CYYR1: variants seen among roughly 807,000 people sequenced by gnomAD.
CYYR1 encodes the protein cysteine and tyrosine rich 1.
In CYYR1, 14 loss-of-function variants were observed where a neutral mutation model predicts 15.2. That is an observed-to-expected ratio of 0.92 (90% CI 0.61 to 1.44). CYYR1 has a LOEUF of 1.44. Among genes scored for constraint, CYYR1 ranks in the 40% most tolerant of loss-of-function variants. CYYR1 has a pLI of 0.00. For synonymous variants in CYYR1, 80 were observed against 77.4 expected, an observed-to-expected ratio of 1.03 and a Z score of -0.18; for missense variants, 228 against 209.5, an observed-to-expected ratio of 1.09 and a Z score of -0.54.
At chr21:26,555,262 T>G (rs1002115631) in intron 2 of CYYR1, among the ~76,000 whole-genome samples, 1 of 152,064 alleles carries the variant, frequency 6.6e-6, no homozygotes, top group African/African-American at 2.4e-5. Context: ...CAAAGTAGAG[T>G]TTTCAGCATT....
At chr21:26,549,980 T>G (rs1412773666) in intron 2 of CYYR1, among the ~76,000 whole-genome samples, 1 of 152,156 alleles carries the variant, frequency 6.6e-6, no homozygotes, top group African/African-American at 2.4e-5. Context: ...ACAGATATTA[T>G]GTTATTTATA....
At chr21:26,494,778 A>G (rs918261481) in intron 2 of CYYR1, among the ~76,000 whole-genome samples, 12 of 151,240 alleles carry the variant, frequency 7.9e-5, no homozygotes, top group African/African-American at 2.9e-4. Flanking sequence ...TAAAAATCAG[A>G]TGTATTTTTA....
chr21:26,541,005 A>G (rs1978513345), intron 2 of CYYR1, among the ~76,000 whole-genome samples: 1 of 152,216 alleles, frequency 6.6e-6, no homozygotes, highest in Admixed American at 6.5e-5. Context: ...AAACAAAAGG[A>G]AATTAATTGT....
rs751595053 is a variant in CYYR1 at position 26,573,112 on chromosome 21, G to C, written c.-172C>G. The C allele has an allele frequency of 1.3e-6, 2 of 1,514,150 alleles. No homozygotes were observed. Among genetic ancestry groups the C allele is most frequent in the Non-Finnish European group, 1.8e-6 (2 of 1,135,898 alleles). The allele number at this position is 1,514,150 out of a possible 1,614,324, so 93.8% of individuals were successfully genotyped here. Reference sequence around the variant, plus strand: ...GGGAGCCCGGGCCGGGCGCGTCCCGGGCCAGCGACTGCGGGACTCCGCGGA... The same window carrying C: ...GGGAGCCCGGGCCGGGCGCGTCCCGCGCCAGCGACTGCGGGACTCCGCGGA... On this transcript the variant is annotated 5_prime_UTR_variant, in exon 1 of 4. Coordinates refer to ENST00000652641, the MANE Select transcript of CYYR1 (RefSeq NM_001320768.2).
At chr21:26,486,033 G>T (rs1294872901) in intron 2 of CYYR1, among the ~76,000 whole-genome samples, 1 of 152,006 alleles carries the variant, frequency 6.6e-6, no homozygotes, top group East Asian at 1.9e-4. Context: ...TCCCGTAATG[G>T]CTAGCAAGGT....
intron 2 of CYYR1, among the ~76,000 whole-genome samples, chr21:26,522,207 A>G (rs1025621233): frequency 6.6e-6 from 1 of 152,210 alleles, no homozygotes; most frequent in African/African-American, 2.4e-5. Context: ...GATTTACCAT[A>G]TATTTTTTAG....
chr21:26,506,067 C>T (rs895257525), intron 2 of CYYR1, among the ~76,000 whole-genome samples: 8 of 152,212 alleles, frequency 5.3e-5, no homozygotes, highest in African/African-American at 9.6e-5. Flanking sequence ...AGCATGCATC[C>T]GTCATCTCAA....
intron 1 of CYYR1, among the ~76,000 whole-genome samples, chr21:26,572,243 C>G (rs1981053126): frequency 1.3e-5 from 2 of 152,206 alleles, no homozygotes; most frequent in African/African-American, 4.8e-5. Context: ...ATATTAATCA[C>G]AAACAAGAAA....
chr21:26,507,923 AT>A lies in CYYR1; in HGVS notation c.177-27495del, dbSNP rs1323838786. 1.8e-4 allele frequency among the ~76,000 whole-genome samples: 27 copies of A among 152,310 alleles called. No individual in the cohort carries two copies. In the East Asian group the frequency reaches 5.0e-3, roughly 28 times the overall value. On this transcript the variant is annotated intron_variant, in intron 2 of 3. Coordinates refer to ENST00000652641, the MANE Select transcript of CYYR1 (RefSeq NM_001320768.2). ...CATTCAACACATATGAACACCTATT[AT>A]GTATGTGCCTTTGTTTTGGGGATGT...
At chr21:26,554,874 C>T (rs1024825737) in intron 2 of CYYR1, among the ~76,000 whole-genome samples, 4 of 152,122 alleles carry the variant, frequency 2.6e-5, no homozygotes, top group African/African-American at 9.7e-5. Context: ...GCTGGGATGA[C>T]AGGCATGTAT....
chr21:26,500,650 C>A (rs222160), intron 2 of CYYR1, among the ~76,000 whole-genome samples: 70,689 of 151,804 alleles, frequency 0.47, 17,090 homozygotes, highest in Middle Eastern at 0.54. Context: ...ACAGCTCTCA[C>A]ACTGGTGGGC....
At chr21:26,569,699 C>T (rs547255508) in intron 1 of CYYR1, among the ~76,000 whole-genome samples, 66 of 152,334 alleles carry the variant, frequency 4.3e-4, no homozygotes, top group African/African-American at 1.5e-3. Flanking sequence ...GTGTAAGTAA[C>T]GTCATGGGTG....
intron 2 of CYYR1, among the ~76,000 whole-genome samples, chr21:26,501,687 A>T (rs2065483657): frequency 6.6e-6 from 1 of 152,098 alleles, no homozygotes; most frequent in South Asian, 2.1e-4. Flanking sequence ...TACAGTGGAG[A>T]TAATGGGTCC....
chr21:26,487,544 C>T (rs1486731560), intron 2 of CYYR1, among the ~76,000 whole-genome samples: 1 of 152,040 alleles, frequency 6.6e-6, no homozygotes, highest in Non-Finnish European at 1.5e-5. Context: ...CCCTTGAATA[C>T]AATGTTTTAT....
At chr21:26,527,239 A>ACATATTAC (rs2065878776) in intron 2 of CYYR1, among the ~76,000 whole-genome samples, 1 of 152,228 alleles carries the variant, frequency 6.6e-6, no homozygotes, top group South Asian at 2.1e-4. Context: ...CCCCAGGCCA[A>ACATATTAC]CATATTACCA....
Position 26,482,594 on chromosome 21 carries a change from C to T in CYYR1, c.177-2165G>A, listed in dbSNP as rs138934930. 493 of 789,054 alleles carry T rather than the reference C, an allele frequency of 6.2e-4. 1 individual carries two copies. The African/African-American group carries it at 8.1e-3, about 13-fold the overall frequency. The allele number at this position is 789,054 out of a possible 1,614,324, so 48.9% of individuals were successfully genotyped here. On this transcript the variant is annotated intron_variant, in intron 2 of 3. Coordinates refer to ENST00000652641, the MANE Select transcript of CYYR1 (RefSeq NM_001320768.2). Reference sequence around the variant, plus strand: ...CGTTCCTGAATGGCTTCTTAAAAATCGACTCAAAGGAAAGTAGATTTTTCA... The same window carrying T: ...CGTTCCTGAATGGCTTCTTAAAAATTGACTCAAAGGAAAGTAGATTTTTCA...
At chr21:26,519,041 G>A (rs750632926) in intron 2 of CYYR1, among the ~76,000 whole-genome samples, 3 of 152,160 alleles carry the variant, frequency 2.0e-5, no homozygotes, top group Non-Finnish European at 4.4e-5. Context: ...ATAGTTCCAA[G>A]TCTTATACAT....
chr21:26,468,612 G>A lies in CYYR1; in HGVS notation c.357C>T (p.His119=), dbSNP rs576432831. The change falls in exon 4 of 4, where the codon CAC becomes CAT. Residue 119 remains histidine (H), a synonymous_variant. Transcript: ENST00000652641. The part of the protein sequence containing the change: ...SYPAGPPPYG[H]DHEMEYCADL... ...CTGCACAGTATTCCATCTCGTGGTC[G>A]TGACCGTAGGGTGGTGGTCCTGCTG... 5.2e-5 allele frequency: 84 copies of A among 1,611,366 alleles called. No homozygotes were observed. The highest frequency in any genetic ancestry group is 1.3e-4 in the Admixed American group (8 of 59,832).
At position 26,467,175 on chromosome 21, in the gene CYYR1, C is replaced by A. The variant is rs1309257526; in HGVS notation, c.*1326G>T. On this transcript the variant is annotated 3_prime_UTR_variant, in exon 4 of 4. Transcript: ENST00000652641. Reference sequence around the variant, plus strand: ...TTGTAAAATGACACAAAAATCTAATCATCTATTTCCAATGTTCAATATACA... The same window carrying A: ...TTGTAAAATGACACAAAAATCTAATAATCTATTTCCAATGTTCAATATACA... 1 of 152,102 alleles carries A rather than the reference C, an allele frequency of 6.6e-6. No individual in the cohort carries two copies. The highest frequency in any genetic ancestry group is 1.5e-5 in the Non-Finnish European group (1 of 68,004). The allele number at this position is 152,102 out of a possible 1,614,324, so 9.4% of individuals were successfully genotyped here. A position where few individuals can be genotyped will look rare whatever the true frequency, so the allele number is the denominator to read the frequency against.
Sources: gnomAD v4.1 joint callset for allele counts (sites outside exome capture counted in the v4.1 genomes callset) on GRCh38, gnomAD v4.1.1 for gene constraint, MANE v1.5 for transcripts, NCBI Gene and HGNC (gene_info 2026-07-23, HGNC 2026-07-21) for gene names.